The following FILIP1 variants were observed in gnomAD, a reference collection of about 807,000 sequenced individuals.
The protein encoded by FILIP1 is filamin A interacting protein 1.
In FILIP1, 61 loss-of-function variants were observed where a neutral mutation model predicts 102.1. The ratio of observed to expected loss-of-function variants is 0.60; its 90% CI spans 0.49 to 0.74. The LOEUF is 0.74. Among genes scored for constraint, FILIP1 ranks in the 30% least tolerant of loss-of-function variants. The pLI, the probability that FILIP1 is intolerant of heterozygous loss-of-function variation, is 0.00. For missense variants in FILIP1, 1,314 were observed against 1,441.2 expected (o/e 0.91, Z 1.43); for synonymous variants, 491 against 526.9 (o/e 0.93, Z 0.93).
chr6:75,427,617 G>A (rs774412462), intron 1 of FILIP1, among the ~76,000 whole-genome samples: 3 of 152,026 alleles, frequency 2.0e-5, no homozygotes, highest in African/African-American at 4.8e-5. Context: ...CAAAACTATC[G>A]ATTGCGTCTC....
rs191659657 is a variant in FILIP1, at chr6:75,294,347, C to A, written c.*1563G>T. 3.9e-5 allele frequency: 6 copies of A among 152,152 alleles called. No homozygotes were observed. In the East Asian group the frequency reaches 1.2e-3, roughly 29 times the overall value. 9.4% of individuals were successfully genotyped at this position (152,152 alleles called of 1,614,324 possible). On this transcript the variant is annotated 3_prime_UTR_variant, in exon 7 of 7. Transcript: ENST00000393004. ...TTCAGTAAAGTTACATGATAAATGA[C>A]TTCCACATTCAGAAACTGATGTGTC...
chr6:75,363,885 G>A (rs1775244564), intron 2 of FILIP1, among the ~76,000 whole-genome samples: 1 of 152,140 alleles, frequency 6.6e-6, no homozygotes, highest in Non-Finnish European at 1.5e-5. Flanking sequence ...TATGACAATG[G>A]AATAGAATTT....
intron 4 of FILIP1, 96 bp downstream of exon 4, chr6:75,353,443 G>A (rs1329053867): frequency 5.9e-6 from 8 of 1,367,284 alleles, no homozygotes; most frequent in African/African-American, 1.4e-5. Flanking sequence ...ACCTGTCCAC[G>A]ATGCCCCTGG....
chr6:75,302,388 C>T (rs1287394028), intron 6 of FILIP1, among the ~76,000 whole-genome samples: 1 of 152,100 alleles, frequency 6.6e-6, no homozygotes, highest in Non-Finnish European at 1.5e-5. Flanking sequence ...TCTTTCTTGC[C>T]CAACTTTCTG....
intron 4 of FILIP1, among the ~76,000 whole-genome samples, 169 bp from the exon 5 acceptor site, chr6:75,315,371 A>C (rs1434503170): frequency 6.6e-6 from 1 of 152,224 alleles, no homozygotes; most frequent in African/African-American, 2.4e-5. Flanking sequence ...TCAAAATATT[A>C]GTTACCCTTA....
At chr6:75,343,656 A>T (rs1774485840) in intron 4 of FILIP1, among the ~76,000 whole-genome samples, 4 of 152,156 alleles carry the variant, frequency 2.6e-5, no homozygotes. Context: ...CCAGATATTG[A>T]TTTCTGTTCT....
intron 4 of FILIP1, among the ~76,000 whole-genome samples, chr6:75,340,861 A>ATTTT (rs59666589): frequency 1.1e-5 from 1 of 94,304 alleles, no homozygotes; most frequent in African/African-American, 4.5e-5. Context: ...ATGCTCAGGA[A>ATTTT]TTTTTTTTTT....
intron 2 of FILIP1, among the ~76,000 whole-genome samples, chr6:75,372,740 AAGAAAG>A (rs1259557658): frequency 1.8e-5 from 1 of 54,640 alleles, no homozygotes; most frequent in Non-Finnish European, 3.6e-5. Flanking sequence ...GAAAGAAAGA[AAGAAAG>A]AAAGAAAGAA....
chr6:75,415,048 T>G (rs1777214168), intron 1 of FILIP1, 70 bp from the exon 2 acceptor site: 4 of 1,386,724 alleles, frequency 2.9e-6, no homozygotes, highest in Middle Eastern at 1.9e-4. Context: ...CCTAAATACT[T>G]AGAAACTTAT....
intron 6 of FILIP1, among the ~76,000 whole-genome samples, chr6:75,299,623 C>T (rs1005460876): frequency 1.3e-5 from 2 of 151,868 alleles, no homozygotes; most frequent in Non-Finnish European, 2.9e-5. Flanking sequence ...AGACAATTTC[C>T]CCTATATGTT....
intron 2 of FILIP1, among the ~76,000 whole-genome samples, chr6:75,381,660 G>A (rs1031479732): frequency 1.3e-5 from 2 of 152,158 alleles, no homozygotes; most frequent in African/African-American, 2.4e-5. Context: ...AACTGCTTGT[G>A]TATGTAGACA....
At chr6:75,444,005 A>T (rs1778359213) in intron 1 of FILIP1, among the ~76,000 whole-genome samples, 1 of 152,242 alleles carries the variant, frequency 6.6e-6, no homozygotes, top group Non-Finnish European at 1.5e-5. Flanking sequence ...AACTCAGCAC[A>T]GCACTATGCA....
chr6:75,418,750 G>A (rs2808205), intron 1 of FILIP1, among the ~76,000 whole-genome samples: 3,807 of 152,220 alleles, frequency 0.025, 167 homozygotes, highest in African/African-American at 0.087. Context: ...ATAAACTGAA[G>A]ATTCAAATCA....
intron 6 of FILIP1, among the ~76,000 whole-genome samples, chr6:75,297,846 G>A (rs958940261): frequency 6.6e-6 from 1 of 152,122 alleles, no homozygotes; most frequent in Non-Finnish European, 1.5e-5. Context: ...AATCAGAATT[G>A]TTCTTATTGT....
rs1363271628 is a variant in FILIP1 at position 75,355,392 on chromosome 6, T to C, written c.451-1675A>G. Among the ~76,000 whole-genome samples the C allele has an allele frequency of 7.0e-5, 7 of 99,886 alleles. No homozygotes were observed. The South Asian group carries it at 1.8e-3, about 26-fold the overall frequency. 65.5% of individuals were successfully genotyped at this position (99,886 alleles called of 152,430 possible). A position where few individuals can be genotyped will look rare whatever the true frequency, so the allele number is the denominator to read the frequency against. The stretch of plus-strand genomic sequence containing the variant: ...CTCTTTCTCTGATCAGGTTATAAGA[T>C]TTTTTTTTTTTTTTTTTTTGAGACC... On this transcript the variant is annotated intron_variant, in intron 3 of 5. Transcript: ENST00000237172.
intron 1 of FILIP1, among the ~76,000 whole-genome samples, chr6:75,416,256 C>G (rs1448045184): frequency 2.0e-5 from 3 of 151,940 alleles, no homozygotes; most frequent in Non-Finnish European, 4.4e-5. Context: ...AGTGAATATC[C>G]AATTCTTCCA....
At chr6:75,346,367 A>T (rs1774584801) in intron 4 of FILIP1, among the ~76,000 whole-genome samples, 1 of 152,222 alleles carries the variant, frequency 6.6e-6, no homozygotes, top group South Asian at 2.1e-4. Context: ...GTCTTTAATC[A>T]GAGGCTGTTA....
At chr6:75,479,254 G>GC (rs1405187759) in intron 1 of FILIP1, among the ~76,000 whole-genome samples, 11 of 152,068 alleles carry the variant, frequency 7.2e-5, no homozygotes, top group Non-Finnish European at 1.6e-4. Flanking sequence ...CACTGCATGT[G>GC]TTTAGATTTT....
intron 2 of FILIP1, among the ~76,000 whole-genome samples, chr6:75,400,725 G>C (rs992221506): frequency 6.6e-6 from 1 of 152,106 alleles, no homozygotes; most frequent in Non-Finnish European, 1.5e-5. Context: ...ATTCAGGGAT[G>C]GGGGAGGGAA....
Sources: gnomAD v4.1 joint callset for allele counts (sites outside exome capture counted in the v4.1 genomes callset) on GRCh38, gnomAD v4.1.1 for gene constraint, MANE v1.5 for transcripts, NCBI Gene and HGNC (gene_info 2026-07-23, HGNC 2026-07-21) for gene names.